DDX1: variants seen among roughly 807,000 people sequenced by gnomAD.
DDX1 encodes the protein ATP-dependent RNA helicase DDX1.
Under a neutral mutation model 108.7 loss-of-function variants are expected in DDX1, and 28 were observed. That is an observed-to-expected ratio of 0.26 (90% CI 0.19 to 0.35). DDX1 has a LOEUF of 0.35. Ranked by LOEUF, DDX1 falls within the 10% of genes least tolerant of loss-of-function variation. DDX1 has a pLI of 1.00. For synonymous variants in DDX1, 295 were observed against 288.9 expected (o/e 1.02, Z -0.21); for missense variants, 710 against 884.5 (o/e 0.80, Z 2.50).
intron 14 of DDX1, among the ~76,000 whole-genome samples, chr2:15,615,723 T>C (rs1034759851): frequency 6.6e-6 from 1 of 152,178 alleles, no homozygotes; most frequent in Non-Finnish European, 1.5e-5. Flanking sequence ...ACTATATTTT[T>C]AGTACAGGGT....
chr2:15,595,107 C>T (rs1456084531), intron 1 of DDX1, 38 bp from the exon 2 acceptor site: 3 of 1,498,446 alleles, frequency 2.0e-6, no homozygotes, highest in Admixed American at 3.8e-5. Context: ...TTTATCATTT[C>T]AGTTTATGTG....
At chr2:15,617,704 G>C (rs1328720733) in intron 15 of DDX1, among the ~76,000 whole-genome samples, 1 of 152,082 alleles carries the variant, frequency 6.6e-6, no homozygotes, top group Non-Finnish European at 1.5e-5. Context: ...AACCAGCTTT[G>C]TTTGTACATA....
intron 13 of DDX1, among the ~76,000 whole-genome samples, chr2:15,612,229 T>C (rs1277121825): frequency 6.9e-6 from 1 of 144,414 alleles, no homozygotes; most frequent in Non-Finnish European, 1.5e-5. Flanking sequence ...TGCCGGGCGG[T>C]GACGCTCCTC....
Position 15,607,324 on chromosome 2 carries a change from C to A in DDX1, c.956+11C>A, listed in dbSNP as rs1273857643. The A allele has an allele frequency of 6.2e-7, 1 of 1,611,122 alleles. No homozygotes were observed. Among genetic ancestry groups the A allele is most frequent in the Non-Finnish European group, 8.5e-7 (1 of 1,177,908 alleles). ...TAATCCTAAATTAAGGTAAATCTTC[C>A]TTTTGTGCTGAAATGCTTATTGTCT... On this transcript the variant is annotated intron_variant, in intron 13 of 25. Coordinates refer to ENST00000233084, the MANE Select transcript of DDX1 (RefSeq NM_004939.3).
At position 15,622,313 on chromosome 2, in the gene DDX1, T is replaced by C. The variant is rs531849612; in HGVS notation, c.1448-1123T>C. On this transcript the variant is annotated intron_variant, in intron 18 of 25. Transcript: ENST00000233084. ...TAAACTGAAAATCTGTATCATTAAATATTTATCAATTTTTAAAAAGCCTAA... is the reference window on the plus strand; with the variant it reads ...TAAACTGAAAATCTGTATCATTAAACATTTATCAATTTTTAAAAAGCCTAA... Among the ~76,000 whole-genome samples the C allele has an allele frequency of 2.2e-4, 34 of 152,362 alleles. No homozygotes were observed. The East Asian group carries it at 5.4e-3, about 24-fold the overall frequency.
chr2:15,620,127 T>C, intron 16 of DDX1, 81 bp from the exon 17 acceptor site: 1 of 1,259,506 alleles, frequency 7.9e-7, no homozygotes. Context: ...CTAGCACACT[T>C]TGTGTTTCAT....
intron 18 of DDX1, among the ~76,000 whole-genome samples, chr2:15,622,843 A>G (rs554493022): frequency 6.6e-6 from 1 of 152,346 alleles, no homozygotes; most frequent in South Asian, 2.1e-4. Flanking sequence ...ACAGAATTAA[A>G]GTCTTACATT....
At chr2:15,597,614 C>T (rs764154463) in intron 5 of DDX1, 143 bp downstream of exon 5, 8 of 612,394 alleles carry the variant, frequency 1.3e-5, no homozygotes, top group Non-Finnish European at 2.3e-5. Flanking sequence ...CCCTGGAAAC[C>T]AGGGATGCTA....
At chr2:15,593,223 C>T (rs1249383543) in intron 1 of DDX1, among the ~76,000 whole-genome samples, 1 of 152,180 alleles carries the variant, frequency 6.6e-6, no homozygotes, top group African/African-American at 2.4e-5. Flanking sequence ...GTTTCAGTTA[C>T]ATCTTCTAAT....
At chr2:15,594,674 A>G (rs62120726) in intron 1 of DDX1, among the ~76,000 whole-genome samples, 22,323 of 152,096 alleles carry the variant, frequency 0.15, 1,987 homozygotes, top group East Asian at 0.37. Flanking sequence ...TTTTTTTCCA[A>G]TTGCTGAGGG....
chr2:15,608,029 C>T (rs1014912606), intron 13 of DDX1, among the ~76,000 whole-genome samples: 3 of 152,082 alleles, frequency 2.0e-5, no homozygotes, highest in African/African-American at 7.2e-5. Flanking sequence ...TGGTCACTGT[C>T]TAGTTATAAG....
chr2:15,603,811 T>C lies in DDX1; in HGVS notation c.476-3T>C, dbSNP rs1665624198. ...AGAAAAGTAAAATATTTTTTAAATC[T>C]AGGTACTGACAAGTTTGGATTTGGC... On this transcript the variant is annotated splice_region_variant and splice_polypyrimidine_tract_variant and intron_variant, in intron 8 of 25. Transcript: ENST00000233084. 6.3e-7 allele frequency: 1 copy of C among 1,590,142 alleles called. No individual in the cohort carries two copies. Among genetic ancestry groups the C allele is most frequent in the Admixed American group, 1.8e-5 (1 of 56,848 alleles).
rs1573048939 is a variant in DDX1 at position 15,620,330 on chromosome 2, T to C, written c.1329T>C (p.His443=). The C allele has an allele frequency of 6.2e-7, 1 of 1,613,944 alleles. No individual in the cohort carries two copies. Among genetic ancestry groups the C allele is most frequent in the Admixed American group, 1.7e-5 (1 of 59,984 alleles). ...GEDSVPDTVH[H]VVVPVNPKTD... is the part of the protein sequence containing the mutation. ...ACTCTGTTCCAGATACTGTACACCA[T>C]GTTGTTGTCCCAGTAAATCCCAAAA... Residue 443 remains histidine, a synonymous_variant, in exon 17 of 26, where the codon CAT becomes CAC. Coordinates refer to ENST00000233084, the MANE Select transcript of DDX1 (RefSeq NM_004939.3).
chr2:15,600,715 A>G (rs72780856), intron 6 of DDX1, among the ~76,000 whole-genome samples: 30,369 of 140,294 alleles, frequency 0.22, 3,619 homozygotes, highest in Admixed American at 0.28. Context: ...AAAGGACTGT[A>G]TACTTTTTTT....
chr2:15,612,327 C>T (rs1361993034), intron 13 of DDX1, among the ~76,000 whole-genome samples: 10 of 144,848 alleles, frequency 6.9e-5, no homozygotes, highest in African/African-American at 1.8e-4. Flanking sequence ...ACATCCCAGA[C>T]GGGGCGGCGG....
At chr2:15,627,304 A>G (rs1573052387) in intron 20 of DDX1, 159 bp downstream of exon 20, 1 of 488,578 alleles carries the variant, frequency 2.0e-6, no homozygotes, top group East Asian at 3.3e-5. Flanking sequence ...GGAATTAGTC[A>G]TTGTTGACAC....
chr2:15,615,566 G>A (rs1242007549), intron 14 of DDX1, among the ~76,000 whole-genome samples: 2 of 152,132 alleles, frequency 1.3e-5, no homozygotes, highest in South Asian at 4.1e-4. Flanking sequence ...AATTATCAGT[G>A]CAGATGAAAC....
rs78187648 is a variant in DDX1 at position 15,626,341 on chromosome 2, T to C, written c.1595-713T>C. ...CTCTGCATAATTAATTTTTGTGTTATTCATTTTGAATAGATATCTGTCAAA... is the reference window on the plus strand; with the variant it reads ...CTCTGCATAATTAATTTTTGTGTTACTCATTTTGAATAGATATCTGTCAAA... On this transcript the variant is annotated intron_variant, in intron 19 of 25. Transcript: ENST00000233084. 5.8e-3 allele frequency among the ~76,000 whole-genome samples: 881 copies of C among 152,320 alleles called. 10 individuals carry two copies. The highest frequency in any genetic ancestry group is 5.3e-3 in the Non-Finnish European group (360 of 68,010).
At chr2:15,613,707 C>G (rs1665841452) in intron 14 of DDX1, among the ~76,000 whole-genome samples, 1 of 152,060 alleles carries the variant, frequency 6.6e-6, no homozygotes, top group East Asian at 1.9e-4. Context: ...GGTAATAGTT[C>G]CAGTGAGGAG....
Sources: allele counts gnomAD v4.1 joint callset (sites outside exome capture counted in the v4.1 genomes callset), GRCh38; gene constraint gnomAD v4.1.1; transcripts MANE v1.5; gene names NCBI Gene and HGNC (gene_info 2026-07-23, HGNC 2026-07-21).